Variants in COL18A1 observed in about 807,000 individuals in gnomAD.
COL18A1 encodes collagen alpha-1(XVIII) chain.
In COL18A1, 133 loss-of-function variants were observed where a neutral mutation model predicts 168.0. The ratio of observed to expected loss-of-function variants is 0.79; its 90% CI spans 0.69 to 0.91. COL18A1 has a LOEUF of 0.91. Among genes scored for constraint, COL18A1 ranks in the 40% least tolerant of loss-of-function variants. The pLI is 0.00. For synonymous variants in COL18A1, 949 were observed against 809.0 expected (o/e 1.17, Z -2.94); for missense variants, 2,126 against 1,925.4 (o/e 1.10, Z -1.95).
At chr21:45,497,144 A>AT in intron 31 of COL18A1, 52 bp downstream of exon 31, 1 of 1,166,254 alleles carries the variant, frequency 8.6e-7, no homozygotes, top group Non-Finnish European at 1.3e-6. Flanking sequence ...GGGATGCTCC[A>AT]GAGCCCCACC....
intron 2 of COL18A1, among the ~76,000 whole-genome samples, chr21:45,449,107 C>G (rs2034566429): frequency 6.6e-6 from 1 of 152,106 alleles, no homozygotes; most frequent in Non-Finnish European, 1.5e-5. Context: ...TCTTGCTGCT[C>G]CTGCCTCAGG....
At chr21:45,453,630 A>C (rs114508012) in intron 2 of COL18A1, among the ~76,000 whole-genome samples, 1,530 of 152,238 alleles carry the variant, frequency 0.01, 29 homozygotes, top group African/African-American at 0.034. Context: ...GGAAGCTCTC[A>C]AAGCACTTAG....
At chr21:45,509,827 C>T (rs777884134) in intron 39 of COL18A1, among the ~76,000 whole-genome samples, 36 of 152,212 alleles carry the variant, frequency 2.4e-4, no homozygotes, top group Non-Finnish European at 2.5e-4. Flanking sequence ...CTTGAGGAAC[C>T]GGCGTACCTC....
At chr21:45,456,703 G>C (rs1602425349) in intron 2 of COL18A1, 3 of 1,532,332 alleles carry the variant, frequency 2.0e-6, no homozygotes, top group East Asian at 4.9e-5. Context: ...TCTTCTGCCT[G>C]CTGCTGGTCC....
rs188132889 is a variant in COL18A1 at position 45,443,379 on chromosome 21, G to C, written c.107-24863G>C. ...TTAAGGAGCAACCTGGTAAACCCTT[G>C]AAAACCAAGTGGGCCTTCACCAGCT... is the stretch of plus-strand genomic sequence containing the variant. On this transcript the variant is annotated intron_variant, in intron 2 of 41. Transcript: ENST00000651438. This position sits in a 1 kb window ranked among gnomAD's most constrained non-coding sequence, Gnocchi z 5.2. Among the ~76,000 whole-genome samples, 6 of 152,150 alleles carry C rather than the reference G, an allele frequency of 3.9e-5. No individual in the cohort carries two copies. The highest frequency in any genetic ancestry group is 9.7e-5 in the African/African-American group (4 of 41,424).
chr21:45,456,686 G>T (rs1050243795), intron 2 of COL18A1: 64 of 1,532,088 alleles, frequency 4.2e-5, no homozygotes, highest in East Asian at 2.2e-4. Flanking sequence ...CCCCTTCCTC[G>T]CCTGGTTCTT....
chr21:45,504,390 C>T (rs565684621), intron 33 of COL18A1, 26 bp from the exon 34 acceptor site: 43 of 1,606,610 alleles, frequency 2.7e-5, no homozygotes, highest in Middle Eastern at 1.7e-4. Context: ...TCAGGGCTCC[C>T]GTGTAACAAG....
intron 34 of COL18A1, 63 bp downstream of exon 34, chr21:45,504,619 CA>C: frequency 6.8e-7 from 1 of 1,461,832 alleles, no homozygotes; most frequent in Non-Finnish European, 9.3e-7. Context: ...GAGCCGAGGG[CA>C]GGTCCAGCCC....
Position 45,413,443 on chromosome 21 carries a change from C to T in COL18A1, c.106+7970C>T, listed in dbSNP as rs569191855. On this transcript the variant is annotated intron_variant, in intron 2 of 41. Coordinates refer to ENST00000651438, the MANE Select transcript of COL18A1 (RefSeq NM_001379500.1). ...TTTGTGACTGGGCGGCAAACATTTT[C>T]TAAAGTCTCCCGCTACGACCCCTCG... Among the ~76,000 whole-genome samples the T allele has an allele frequency of 2.0e-5, 3 of 152,346 alleles. No individual in the cohort carries two copies. The East Asian group carries it at 5.8e-4, about 29-fold the overall frequency.
At chr21:45,501,616 T>C (rs1014915982) in intron 32 of COL18A1, among the ~76,000 whole-genome samples, 1 of 152,088 alleles carries the variant, frequency 6.6e-6, no homozygotes, top group African/African-American at 2.4e-5. Context: ...GCAGGGGCCT[T>C]GCCCTGCACA....
At chr21:45,456,980 C>G in intron 2 of COL18A1, 1 of 982,626 alleles carries the variant, frequency 1.0e-6, no homozygotes, top group Non-Finnish European at 1.4e-6. Context: ...CCCCCCACAT[C>G]GAATCTCTAC....
At chr21:45,501,204 T>A (rs4818784) in intron 32 of COL18A1, among the ~76,000 whole-genome samples, 64,082 of 151,662 alleles carry the variant, frequency 0.42, 14,147 homozygotes, top group African/African-American at 0.55. Context: ...ACCAGAGAAA[T>A]TGAGTAATTC....
chr21:45,462,716 G>T (rs1231040738), intron 2 of COL18A1, among the ~76,000 whole-genome samples: 1 of 152,068 alleles, frequency 6.6e-6, no homozygotes, highest in Non-Finnish European at 1.5e-5. Flanking sequence ...TAAAGTCTTT[G>T]TCTAGTAGAT....
intron 11 of COL18A1, 48 bp from the exon 12 acceptor site, chr21:45,480,419 C>CG (rs757580765): frequency 2.5e-6 from 4 of 1,613,492 alleles, no homozygotes; most frequent in African/African-American, 1.3e-5. Flanking sequence ...GTAGGCCAGG[C>CG]GGGGGGCCGA....
rs552184869 is a variant in COL18A1 at position 45,504,062 on chromosome 21, A to G, written c.2727+8A>G. 4.3e-6 allele frequency: 7 copies of G among 1,612,890 alleles called. No individual in the cohort carries two copies. Among genetic ancestry groups the G allele is most frequent in the Non-Finnish European group, 5.9e-6 (7 of 1,179,844 alleles). ...TTGGAGGCTGAAATGAAGGTGGGTG[A>G]CCTCCCTGTGGGGTTGGGGGCCCCC... On this transcript the variant is annotated splice_region_variant and intron_variant, in intron 33 of 41. Coordinates refer to ENST00000651438, the MANE Select transcript of COL18A1 (RefSeq NM_001379500.1).
At chr21:45,461,532 C>T (rs931528435) in intron 2 of COL18A1, among the ~76,000 whole-genome samples, 1 of 152,156 alleles carries the variant, frequency 6.6e-6, no homozygotes, top group Non-Finnish European at 1.5e-5. Flanking sequence ...CTGCAGGGCT[C>T]TTCCTTGTCC....
At chr21:45,415,265 T>TG (rs2033408109) in intron 2 of COL18A1, among the ~76,000 whole-genome samples, 1 of 152,132 alleles carries the variant, frequency 6.6e-6, no homozygotes, top group African/African-American at 2.4e-5. Flanking sequence ...TCAAGGCTGC[T>TG]GGGGGTCAGA....
At chr21:45,437,945 GACAC>G (rs1210100051) in intron 2 of COL18A1, among the ~76,000 whole-genome samples, 1 of 10,596 alleles carries the variant, frequency 9.4e-5, no homozygotes, top group Admixed American at 1.1e-3. Flanking sequence ...CACACACTCA[GACAC>G]ACAGGCACTC....
intron 37 of COL18A1, chr21:45,506,389 A>G: frequency 3.0e-6 from 1 of 335,946 alleles, no homozygotes. Flanking sequence ...ACCCCGCGTT[A>G]TAAACACCAA....
Sources: gnomAD v4.1 joint callset for allele counts (sites outside exome capture counted in the v4.1 genomes callset) on GRCh38, gnomAD v4.1.1 for gene constraint, Gnocchi (gnomAD v3.1) non-coding constraint, MANE v1.5 for transcripts, NCBI Gene and HGNC (gene_info 2026-07-23, HGNC 2026-07-21) for gene names.